DGCR8: variants seen among roughly 807,000 people sequenced by gnomAD.
The protein encoded by DGCR8 is DGCR8 microprocessor complex subunit, also known as microprocessor complex subunit DGCR8.
A neutral mutation model predicts 78.5 loss-of-function variants in DGCR8; 14 were observed. The observed-to-expected ratio is 0.18, with a 90% CI of 0.12 to 0.28. DGCR8 has a LOEUF of 0.28. DGCR8 is among the 10% of genes least tolerant of loss of function. The pLI is 1.00. For missense variants in DGCR8, 702 were observed against 1,022.5 expected (o/e 0.69, Z 4.28); for synonymous variants, 399 against 402.4 (o/e 0.99, Z 0.10).
chr22:20,087,087 G>A lies in DGCR8; in HGVS notation c.721-75G>A. 1.3e-6 allele frequency: 2 copies of A among 1,533,076 alleles called. No individual in the cohort carries two copies. Among genetic ancestry groups the A allele is most frequent in the Non-Finnish European group, 1.8e-6 (2 of 1,134,866 alleles). The allele number at this position is 1,533,076 out of a possible 1,614,324, so 95.0% of individuals were successfully genotyped here. On this transcript the variant is annotated intron_variant, in intron 2 of 13. Transcript: ENST00000351989. The surrounding 1 kb of genome is among the most constrained non-coding windows in gnomAD (Gnocchi z 4.1). ...CACCTCCTTTCTGTGTCTGTTCTCA[G>A]GAATGCTGTTGAGCTCTCCTGTTGC...
intron 1 of DGCR8, among the ~76,000 whole-genome samples, chr22:20,082,162 T>C (rs1305884670): frequency 6.6e-6 from 1 of 151,658 alleles, no homozygotes; most frequent in Admixed American, 6.6e-5. Flanking sequence ...GTTCAAGCGA[T>C]TCTCCTGCCT....
In DGCR8 at chr22:20,089,727, C is replaced by A; in HGVS notation, c.939C>A (p.Asn313Lys). Reference sequence around the variant, plus strand: ...ACGGGTGGATCATGACATTCCATAACTCTGGAGTCCCGGTGTACCTACACA... The same window carrying A: ...ACGGGTGGATCATGACATTCCATAAATCTGGAGTCCCGGTGTACCTACACA... ...LPDGWIMTFH[N>K]SGVPVYLHRE... Residue 313 changes from asparagine (N) to lysine (K), a missense_variant, in exon 4 of 14, where the codon AAC (asparagine) becomes AAA (lysine). This residue lies in a region of DGCR8 where 356 missense variants were observed against 448.9 expected (regional missense o/e 0.79). Coordinates refer to ENST00000351989, the MANE Select transcript of DGCR8 (RefSeq NM_022720.7). The surrounding 1 kb of genome is among the most constrained non-coding windows in gnomAD (Gnocchi z 4.9). 6.2e-7 allele frequency: 1 copy of A among 1,613,984 alleles called. No homozygotes were observed.
At position 20,086,341 on chromosome 22, in the gene DGCR8, G is replaced by C; in HGVS notation, c.378G>C (p.Glu126Asp). ...TAAAGATTAGCGTGAGCTTTACCGA[G>C]AGCTGCAGGAGTAAGGACAGGAAGG... ...KDVKISVSFT[E>D]SCRSKDRKVL... is the part of the protein sequence containing the mutation. The change falls in exon 2 of 14, where the codon GAG becomes GAC. Residue 126 changes from glutamate to aspartate, a missense_variant. Glu to Asp is a conservative substitution (Grantham distance 45). Coordinates refer to ENST00000351989, the MANE Select transcript of DGCR8 (RefSeq NM_022720.7). The surrounding 1 kb of genome is among the most constrained non-coding windows in gnomAD (Gnocchi z 6.4). 6.2e-7 allele frequency: 1 copy of C among 1,614,110 alleles called. No homozygotes were observed. The highest frequency in any genetic ancestry group is 8.5e-7 in the Non-Finnish European group (1 of 1,180,026).
At chr22:20,088,886 G>A (rs1204285928) in intron 3 of DGCR8, among the ~76,000 whole-genome samples, 3 of 152,192 alleles carry the variant, frequency 2.0e-5, no homozygotes, top group African/African-American at 7.2e-5. Context: ...AGGCTCAAGT[G>A]ATCCTCCCAC....
At position 20,090,052 on chromosome 22, in the gene DGCR8, G is replaced by A. The variant is rs145885136; in HGVS notation, c.1100G>A (p.Ser367Asn). Residue 367 changes from serine to asparagine, a missense_variant, in exon 5 of 14, where the codon AGC becomes AAC. Ser to Asn is a conservative substitution (Grantham distance 46, BLOSUM62 1). Around this residue, in one of 4 missense-constraint regions of DGCR8, gnomAD observed 119 missense variants for 126.1 expected, o/e 0.94. Coordinates refer to ENST00000351989, the MANE Select transcript of DGCR8 (RefSeq NM_022720.7). ...AAGGACAACGAGGAACGGGAGCAAA[G>A]CAGTGACCTCACCCCTAGTGGGGAT... Reference protein sequence around the residue: ...KMKDNEEREQSSDLTPSGDVS... With the variant: ...KMKDNEEREQNSDLTPSGDVS... The A allele has an allele frequency of 2.3e-4, 375 of 1,614,200 alleles. 2 individuals are homozygous for A. In the Middle Eastern group the frequency reaches 2.6e-3, roughly 11 times the overall value.
In DGCR8 at chr22:20,087,310, C is replaced by T. The variant is rs755939476; in HGVS notation, c.869C>T (p.Thr290Ile). ...SVQPMMTKIK[T>I]VLKSRGRPPT... ...CAGCCGATGATGACCAAGATTAAAA[C>T]AGTGCTCAAAAGTACGTGTGTGGGT... Residue 290 changes from threonine (T) to isoleucine (I), a missense_variant, in exon 3 of 14, where the codon ACA becomes ATA. This residue lies in a region of DGCR8 where 356 missense variants were observed against 448.9 expected (regional missense o/e 0.79). Coordinates refer to ENST00000351989, the MANE Select transcript of DGCR8 (RefSeq NM_022720.7). This position sits in a 1 kb window ranked among gnomAD's most constrained non-coding sequence, Gnocchi z 4.1. 6.8e-6 allele frequency: 11 copies of T among 1,609,216 alleles called. No homozygotes were observed. The highest frequency in any genetic ancestry group is 9.4e-6 in the Non-Finnish European group (11 of 1,176,444).
intron 9 of DGCR8, among the ~76,000 whole-genome samples, chr22:20,103,649 G>A (rs1389866375): frequency 6.6e-6 from 1 of 152,140 alleles, no homozygotes; most frequent in East Asian, 1.9e-4. Flanking sequence ...GTCATGGTAC[G>A]GGTAGTGTCA....
intron 9 of DGCR8, among the ~76,000 whole-genome samples, chr22:20,104,002 G>A (rs1479093096): frequency 2.2e-4 from 33 of 152,206 alleles, no homozygotes. Context: ...GGTTTCTCCT[G>A]TGCTGTTTGT....
chr22:20,107,174 C>T, intron 11 of DGCR8, 97 bp from the exon 12 acceptor site: 1 of 1,453,734 alleles, frequency 6.9e-7, no homozygotes, highest in Non-Finnish European at 9.6e-7. Context: ...CTGGCTGGCC[C>T]TCGGGGTGTG....
intron 8 of DGCR8, among the ~76,000 whole-genome samples, chr22:20,093,953 C>G (rs566024524): frequency 6.6e-6 from 1 of 152,338 alleles, no homozygotes; most frequent in Non-Finnish European, 1.5e-5. Flanking sequence ...TGCTGCCCAT[C>G]TTAGATTCTG....
At chr22:20,091,197 A>T (rs1175221941) in intron 5 of DGCR8, among the ~76,000 whole-genome samples, 1 of 152,192 alleles carries the variant, frequency 6.6e-6, no homozygotes, top group Admixed American at 6.5e-5. Context: ...TCATTTTTGT[A>T]TTCTTCCTGC....
intron 6 of DGCR8, 62 bp from the exon 7 acceptor site, chr22:20,091,807 G>A: frequency 6.5e-7 from 1 of 1,534,586 alleles, no homozygotes; most frequent in East Asian, 2.3e-5. Flanking sequence ...ATGGTAACAG[G>A]AAGCTGTGTG....
Position 20,110,018 on chromosome 22 carries a change from C to T in DGCR8, c.2239-7C>T. ...ACTGGTACCCCTGACCTTTGTTGTT[C>T]TTTCAGGAGGAGACTCGAAAGAAGC... On this transcript the variant is annotated splice_polypyrimidine_tract_variant and splice_region_variant and intron_variant, in intron 13 of 13. Transcript: ENST00000351989. 6.2e-7 allele frequency: 1 copy of T among 1,613,754 alleles called. No individual in the cohort carries two copies.
Position 20,087,484 on chromosome 22 carries a change from G to A in DGCR8, c.880+163G>A, listed in dbSNP as rs1406668122. On this transcript the variant is annotated intron_variant, in intron 3 of 13. Transcript: ENST00000351989. This position sits in a 1 kb window ranked among gnomAD's most constrained non-coding sequence, Gnocchi z 4.1. ...ATCTGAGGAGGGAAACACAGGATGG[G>A]AGGACGTCCTGATGCATGACCCAGA... Among the ~76,000 whole-genome samples the A allele has an allele frequency of 1.3e-5, 2 of 152,132 alleles. No individual in the cohort carries two copies. The highest frequency in any genetic ancestry group is 2.9e-5 in the Non-Finnish European group (2 of 68,026).
At chr22:20,107,450 G>A (rs202191563) in intron 12 of DGCR8, 52 bp downstream of exon 12, 276 of 1,608,398 alleles carry the variant, frequency 1.7e-4, no homozygotes, top group African/African-American at 7.6e-4. Context: ...ACCCTGGAGC[G>A]TATTCCTGAG....
intron 9 of DGCR8, among the ~76,000 whole-genome samples, chr22:20,103,160 C>T (rs1488528275): frequency 1.3e-5 from 2 of 151,870 alleles, no homozygotes; most frequent in Non-Finnish European, 2.9e-5. Flanking sequence ...AAAAATCTGC[C>T]TGCATTTTGA....
chr22:20,108,672 A>C, intron 12 of DGCR8: 1 of 405,480 alleles, frequency 2.5e-6, no homozygotes, highest in Non-Finnish European at 4.7e-6. Flanking sequence ...CCTGGCAGCT[A>C]TGGACTGCCC....
At chr22:20,098,612 C>T (rs1391461013) in intron 9 of DGCR8, among the ~76,000 whole-genome samples, 3 of 152,158 alleles carry the variant, frequency 2.0e-5, no homozygotes, top group African/African-American at 7.2e-5. Flanking sequence ...AACAAAGTGT[C>T]ACAGACTGGG....
intron 9 of DGCR8, chr22:20,100,782 C>T: frequency 1.0e-6 from 1 of 985,394 alleles, no homozygotes; most frequent in Non-Finnish European, 1.2e-6. Context: ...GTAGACTCCC[C>T]TGCCTGGGGC....
Sources: allele counts gnomAD v4.1 joint callset (sites outside exome capture counted in the v4.1 genomes callset), GRCh38; gene constraint gnomAD v4.1.1; regional missense constraint gnomAD v4.1.1; non-coding constraint Gnocchi (gnomAD v3.1); transcripts MANE v1.5; gene names NCBI Gene and HGNC (gene_info 2026-07-23, HGNC 2026-07-21).